The following ATP2A1 variants were observed in gnomAD, a reference collection of about 807,000 sequenced individuals.
ATP2A1 encodes the protein sarcoplasmic/endoplasmic reticulum calcium ATPase 1.
In ATP2A1, 83 loss-of-function variants were observed where a neutral mutation model predicts 109.5. The observed-to-expected ratio is 0.76, with a 90% CI of 0.63 to 0.91. ATP2A1 has a LOEUF of 0.91. Ranked by LOEUF, ATP2A1 falls within the 40% of genes least tolerant of loss-of-function variation. The pLI is 0.00. For missense variants in ATP2A1, 1,101 were observed against 1,341.0 expected, an observed-to-expected ratio of 0.82 and a Z score of 2.80; for synonymous variants, 505 against 537.6, an observed-to-expected ratio of 0.94 and a Z score of 0.84.
Position 28,902,933 on chromosome 16 carries a change from C to T in ATP2A1, c.2744+22C>T, listed in dbSNP as rs2152215220. 6.2e-7 allele frequency: 1 copy of T among 1,613,750 alleles called. No individual in the cohort carries two copies. The highest frequency in any genetic ancestry group is 1.7e-5 in the Admixed American group (1 of 59,976). On this transcript the variant is annotated intron_variant, in intron 19 of 22. Transcript: ENST00000395503. The surrounding 1 kb of genome is among the most constrained non-coding windows in gnomAD (Gnocchi z 4.8). ...ACAGGTGGGGGCCCCCCAGCTACAC[C>T]CACCACCCTCCCCTGAGGCCACTGC...
At chr16:28,893,093 TTGCCTGTACTCCCAGCATCATGGTGGG>T (rs1399799763) in intron 9 of ATP2A1, among the ~76,000 whole-genome samples, 4 of 149,006 alleles carry the variant, frequency 2.7e-5, no homozygotes, top group Admixed American at 2.0e-4. Flanking sequence ...GGCATGGTAG[TTGCCTGTACTCCCAGCATCATGGTGGG>T]TGCCTGTACT....
intron 14 of ATP2A1, 21 bp from the exon 15 acceptor site, chr16:28,900,560 C>T: frequency 6.7e-7 from 1 of 1,503,460 alleles, no homozygotes; most frequent in South Asian, 1.3e-5. Flanking sequence ...TGACCTGTGG[C>T]TCTCTGCTGT....
chr16:28,887,332 G>C, intron 7 of ATP2A1, 58 bp downstream of exon 7: 2 of 1,612,906 alleles, frequency 1.2e-6, no homozygotes, highest in Non-Finnish European at 1.7e-6. Flanking sequence ...CCGGGTTGGA[G>C]AGAAACATGG....
rs1232981346 is a variant in ATP2A1, at chr16:28,903,230, C to T, written c.2862+83C>T. On this transcript the variant is annotated intron_variant, in intron 20 of 22. Transcript: ENST00000395503. This position sits in a 1 kb window ranked among gnomAD's most constrained non-coding sequence, Gnocchi z 5.6. ...CCATGACCACTCCCACCAGGGGCGC[C>T]GATGTGGGAGGCTGGTGGGAGTGGG... The T allele has an allele frequency of 4.4e-6, 7 of 1,579,488 alleles. No individual in the cohort carries two copies. The highest frequency in any genetic ancestry group is 1.3e-5 in the African/African-American group (1 of 74,086).
Position 28,903,215 on chromosome 16 carries a change from T to C in ATP2A1, c.2862+68T>C. On this transcript the variant is annotated intron_variant, in intron 20 of 22. Coordinates refer to ENST00000395503, the MANE Select transcript of ATP2A1 (RefSeq NM_004320.6). The surrounding 1 kb of genome is among the most constrained non-coding windows in gnomAD (Gnocchi z 5.6). ...GAGCCCACGGCGGGCCCATGACCAC[T>C]CCCACCAGGGGCGCCGATGTGGGAG... 1 of 1,589,976 alleles carries C rather than the reference T, an allele frequency of 6.3e-7. No homozygotes were observed. Among genetic ancestry groups the C allele is most frequent in the East Asian group, 2.2e-5 (1 of 44,708 alleles).
At chr16:28,884,775 G>A (rs2152201980) in intron 6 of ATP2A1, 120 bp downstream of exon 6, 1 of 995,528 alleles carries the variant, frequency 1.0e-6, no homozygotes, top group African/African-American at 1.6e-5. Flanking sequence ...AAGAGACCCT[G>A]TCTCTACAAA....
chr16:28,879,040 T>G lies in ATP2A1; in HGVS notation c.119-59T>G, dbSNP rs748507232. 75 of 1,610,332 alleles carry G rather than the reference T, an allele frequency of 4.7e-5. 1 individual carries two copies. The Admixed American group carries it at 4.7e-4, about 10-fold the overall frequency. ...TCTCTTAGCCACAAAGTCTTGGGTGTGGGGGGCATGAGGCTGAACCCCAAA... is the reference window on the plus strand; with the variant it reads ...TCTCTTAGCCACAAAGTCTTGGGTGGGGGGGGCATGAGGCTGAACCCCAAA... On this transcript the variant is annotated intron_variant, in intron 1 of 22. Coordinates refer to ENST00000395503, the MANE Select transcript of ATP2A1 (RefSeq NM_004320.6).
In ATP2A1 at chr16:28,894,827, AG is replaced by A; in HGVS notation, c.1295del (p.Gly432ValfsTer21). The A allele has an allele frequency of 6.2e-7, 1 of 1,611,412 alleles. No individual in the cohort carries two copies. Among genetic ancestry groups the A allele is most frequent in the South Asian group, 1.1e-5 (1 of 91,054 alleles). ...TCCTCCTCTGCCCATCTCAGGCCAA[AG>A]GTGTCTATGAGAAGGTCGGCGAGGC... ...DSSLDFNEAK[G>X]VYEKVGEATE... On this transcript the variant is annotated frameshift_variant, in exon 12 of 23. Coordinates refer to ENST00000395503, the MANE Select transcript of ATP2A1 (RefSeq NM_004320.6). LOFTEE classifies it high-confidence loss of function.
Position 28,902,773 on chromosome 16 carries a change from T to C in ATP2A1, c.2611-5T>C, listed in dbSNP as rs771107645. On this transcript the variant is annotated splice_region_variant and splice_polypyrimidine_tract_variant and intron_variant, in intron 18 of 22. Coordinates refer to ENST00000395503, the MANE Select transcript of ATP2A1 (RefSeq NM_004320.6). The surrounding 1 kb of genome is among the most constrained non-coding windows in gnomAD (Gnocchi z 4.8). ...GGACCTCAGTCTCCCGTACCTTCCC[T>C]GCAGACTCACTTCATGCAGTGCACC... 1.2e-6 allele frequency: 2 copies of C among 1,613,764 alleles called. No individual in the cohort carries two copies. Among genetic ancestry groups the C allele is most frequent in the South Asian group, 2.2e-5 (2 of 91,070 alleles).
chr16:28,884,366 C>T (rs1036424510), intron 5 of ATP2A1, among the ~76,000 whole-genome samples: 16 of 152,100 alleles, frequency 1.1e-4, no homozygotes, highest in Non-Finnish European at 1.6e-4. Context: ...TCCATCTCGC[C>T]GTGGACACGG....
intron 2 of ATP2A1, 33 bp from the exon 3 acceptor site, chr16:28,879,468 A>AACCCGGGG: frequency 6.2e-7 from 1 of 1,602,118 alleles, no homozygotes; most frequent in Non-Finnish European, 8.6e-7. Flanking sequence ...ACTAGACCTT[A>AACCCGGGG]ACCCGGGGCC....
intron 9 of ATP2A1, among the ~76,000 whole-genome samples, chr16:28,893,111 T>A (rs1465784183): frequency 6.7e-6 from 1 of 149,482 alleles, no homozygotes; most frequent in Non-Finnish European, 1.5e-5. Flanking sequence ...ACTCCCAGCA[T>A]CATGGTGGGT....
chr16:28,879,156 C>G, intron 2 of ATP2A1, 40 bp downstream of exon 2: 1 of 1,611,680 alleles, frequency 6.2e-7, no homozygotes, highest in Non-Finnish European at 8.5e-7. Flanking sequence ...AAATGACCAC[C>G]CCCCACCCCG....
rs1434369969 is a variant in ATP2A1, at chr16:28,881,126, C to T, written c.324+107C>T. 6.2e-6 allele frequency: 7 copies of T among 1,120,490 alleles called. No individual in the cohort carries two copies. The Admixed American group carries it at 9.2e-5, about 15-fold the overall frequency. The allele number at this position is 1,120,490 out of a possible 1,614,324, so 69.4% of individuals were successfully genotyped here. ...ATCACCTCCCCCATACTTGCCTCTTCCTCTGGTCCTATCCCCTGGTCTGGA... is the reference window on the plus strand; with the variant it reads ...ATCACCTCCCCCATACTTGCCTCTTTCTCTGGTCCTATCCCCTGGTCTGGA... On this transcript the variant is annotated intron_variant, in intron 4 of 22. Transcript: ENST00000395503.
At chr16:28,888,024 A>G (rs867462253) in intron 8 of ATP2A1, among the ~76,000 whole-genome samples, 7 of 151,178 alleles carry the variant, frequency 4.6e-5, no homozygotes, top group African/African-American at 9.8e-5. Context: ...GATGGTCTCG[A>G]TCTCCTGACC....
chr16:28,900,756 A>T lies in ATP2A1; in HGVS notation c.1940A>T (p.Glu647Val). The stretch of plus-strand genomic sequence containing the variant: ...ATTGGCATCTTTGGGGAGAACGAGG[A>T]GGTGGCCGATCGCGCCTACACGGGC... ...RRIGIFGENEEVADRAYTGRE... is the reference protein window; with the variant it reads ...RRIGIFGENEVVADRAYTGRE... Residue 647 changes from glutamate to valine, a missense_variant, in exon 15 of 23, where the codon GAG becomes GTG. By Grantham distance (121) the Glu-to-Val change is moderately radical. Transcript: ENST00000395503. 1 of 1,614,182 alleles carries T rather than the reference A, an allele frequency of 6.2e-7. No homozygotes were observed. Among genetic ancestry groups the T allele is most frequent in the East Asian group, 2.2e-5 (1 of 44,872 alleles).
chr16:28,896,942 A>G (rs1045026021), intron 12 of ATP2A1, among the ~76,000 whole-genome samples: 2 of 151,918 alleles, frequency 1.3e-5, no homozygotes, highest in Non-Finnish European at 2.9e-5. Context: ...TTAGCTGGAC[A>G]TGGTGGCGTG....
Position 28,887,247 on chromosome 16 carries a change from C to T in ATP2A1, c.603C>T (p.Asn201=), listed in dbSNP as rs780685811. The change falls in exon 7 of 23, where the codon AAC becomes AAT. Residue 201 remains asparagine (N), a synonymous_variant. Coordinates refer to ENST00000395503, the MANE Select transcript of ATP2A1 (RefSeq NM_004320.6). ...TEPVPDPRAV[N]QDKKNMLFSG... ...CCGTTCCTGACCCCCGAGCTGTCAA[C>T]CAGGACAAGAAGAACATGCTTTTCT... 1.9e-6 allele frequency: 3 copies of T among 1,614,046 alleles called. No individual in the cohort carries two copies. The highest frequency in any genetic ancestry group is 2.5e-6 in the Non-Finnish European group (3 of 1,180,006).
rs1384894802 is a variant in ATP2A1 at position 28,880,006 on chromosome 16, C to T, written c.219+423C>T. The T allele has an allele frequency of 1.1e-4, 109 of 1,018,364 alleles. No individual in the cohort carries two copies. The highest frequency in any genetic ancestry group is 1.3e-4 in the Non-Finnish European group (108 of 854,308). The allele number at this position is 1,018,364 out of a possible 1,614,324, so 63.1% of individuals were successfully genotyped here. On this transcript the variant is annotated intron_variant, in intron 3 of 22. Transcript: ENST00000395503. This position sits in a 1 kb window ranked among gnomAD's most constrained non-coding sequence, Gnocchi z 4.2. ...GCCCCTGCCCCGCCCTCCCCAGCCTCCTGACGCTGATTGGTCGAGGGGAGG... is the reference window on the plus strand; with the variant it reads ...GCCCCTGCCCCGCCCTCCCCAGCCTTCTGACGCTGATTGGTCGAGGGGAGG...
Sources: gnomAD v4.1 joint callset for allele counts (sites outside exome capture counted in the v4.1 genomes callset) on GRCh38, gnomAD v4.1.1 for gene constraint, Gnocchi (gnomAD v3.1) non-coding constraint, MANE v1.5 for transcripts, NCBI Gene and HGNC (gene_info 2026-07-23, HGNC 2026-07-21) for gene names.